LAMA2: variants seen among roughly 807,000 people sequenced by gnomAD.
The protein encoded by LAMA2 is laminin subunit alpha-2.
Under a neutral mutation model 364.8 loss-of-function variants are expected in LAMA2, and 269 were observed. The ratio of observed to expected loss-of-function variants is 0.74; its 90% CI spans 0.67 to 0.82. The LOEUF is 0.82. LAMA2 is among the 40% of genes least tolerant of loss of function. The pLI is 0.00. For synonymous variants in LAMA2, 1,379 were observed against 1,370.6 expected, an observed-to-expected ratio of 1.01 and a Z score of -0.14; for missense variants, 3,807 against 3,873.2, an observed-to-expected ratio of 0.98 and a Z score of 0.45.
intron 2 of LAMA2, among the ~76,000 whole-genome samples, chr6:129,054,447 T>G (rs997186337): frequency 2.0e-5 from 3 of 152,072 alleles, no homozygotes; most frequent in African/African-American, 7.2e-5. Flanking sequence ...CAGGGACTGG[T>G]GGCCTTGAAA....
At chr6:128,961,516 G>T (rs1781523286) in intron 1 of LAMA2, among the ~76,000 whole-genome samples, 1 of 149,418 alleles carries the variant, frequency 6.7e-6, no homozygotes, top group African/African-American at 2.5e-5. Flanking sequence ...AGCCAGTCTG[G>T]GTCCCAAAAC....
chr6:129,442,966 A>C (rs557004319), intron 43 of LAMA2, 97 bp from the exon 44 acceptor site: 1 of 862,316 alleles, frequency 1.2e-6, no homozygotes, highest in South Asian at 1.6e-5. Flanking sequence ...TATGAAAAAT[A>C]CCATTTTTAG....
At chr6:129,299,361 C>T (rs12208401) in intron 21 of LAMA2, among the ~76,000 whole-genome samples, 65,946 of 151,850 alleles carry the variant, frequency 0.43, 16,762 homozygotes, top group East Asian at 0.69. Flanking sequence ...GTTGAGTTAG[C>T]GGCTATAAAA....
rs1784900493 is a variant in LAMA2, at chr6:129,492,174, G to C, written c.8075+97G>C. The C allele has an allele frequency of 2.2e-5, 31 of 1,401,456 alleles. No individual in the cohort carries two copies. In the South Asian group the frequency reaches 3.4e-4, roughly 15 times the overall value. 86.8% of individuals were successfully genotyped at this position (1,401,456 alleles called of 1,614,324 possible). ...CTACATTGTCTACAGCTATGCAGGG[G>C]AGGAGGGAAACAATGAGGATCTTCA... On this transcript the variant is annotated intron_variant, in intron 57 of 64. Coordinates refer to ENST00000421865, the MANE Select transcript of LAMA2 (RefSeq NM_000426.4).
chr6:129,443,208 A>G, intron 44 of LAMA2, 140 bp downstream of exon 44: 1 of 591,838 alleles, frequency 1.7e-6, no homozygotes, highest in Admixed American at 3.2e-5. Context: ...TTACAGTATT[A>G]ATGGTAGATG....
At chr6:129,195,678 G>A (rs1362711508) in intron 12 of LAMA2, among the ~76,000 whole-genome samples, 1 of 152,136 alleles carries the variant, frequency 6.6e-6, no homozygotes, top group Non-Finnish European at 1.5e-5. Flanking sequence ...CACCCACAGG[G>A]CTATCCTAGG....
intron 41 of LAMA2, among the ~76,000 whole-genome samples, chr6:129,433,136 G>A (rs1194129385): frequency 6.6e-6 from 1 of 152,136 alleles, no homozygotes; most frequent in Admixed American, 6.6e-5. Flanking sequence ...GGAAGCACAG[G>A]AGTAACAATC....
chr6:129,279,743 C>T (rs541251975), intron 17 of LAMA2, among the ~76,000 whole-genome samples: 107 of 152,284 alleles, frequency 7.0e-4, no homozygotes, highest in African/African-American at 2.5e-3. Context: ...TGCATATGTG[C>T]CAGGCCTGGA....
At chr6:129,053,728 A>G (rs1050119202) in intron 2 of LAMA2, among the ~76,000 whole-genome samples, 3 of 152,210 alleles carry the variant, frequency 2.0e-5, no homozygotes, top group African/African-American at 7.2e-5. Context: ...ACACCTTTCT[A>G]AAGTACTCAG....
At chr6:129,376,862 A>G (rs754872703) in intron 34 of LAMA2, among the ~76,000 whole-genome samples, 5 of 152,202 alleles carry the variant, frequency 3.3e-5, no homozygotes, top group Admixed American at 6.5e-5. Flanking sequence ...ACAAATAACT[A>G]TATAGTCCAC....
intron 1 of LAMA2, among the ~76,000 whole-genome samples, chr6:128,933,230 CTGTGTGTGTGTG>C (rs71028134): frequency 6.6e-4 from 97 of 146,284 alleles, no homozygotes; most frequent in African/African-American, 2.2e-3. Flanking sequence ...CCCTCTCTTT[CTGTGTGTGTGTG>C]TGTGTGTGTG....
At chr6:129,088,606 G>T (rs374761796) in intron 3 of LAMA2, among the ~76,000 whole-genome samples, 2 of 151,628 alleles carry the variant, frequency 1.3e-5, no homozygotes, top group African/African-American at 4.8e-5. Flanking sequence ...GGTGGCTGCC[G>T]GGCGGAGACG....
chr6:129,152,903 C>T (rs184403079), intron 7 of LAMA2, among the ~76,000 whole-genome samples: 3 of 151,912 alleles, frequency 2.0e-5, no homozygotes, highest in Non-Finnish European at 2.9e-5. Context: ...TAAAAAGAAC[C>T]GGTTCTAAAC....
At chr6:128,996,628 A>G (rs1326267970) in intron 1 of LAMA2, among the ~76,000 whole-genome samples, 1 of 152,230 alleles carries the variant, frequency 6.6e-6, no homozygotes, top group Non-Finnish European at 1.5e-5. Flanking sequence ...AGGAAACAAC[A>G]GATGCTGGAG....
chr6:129,157,646 A>T, intron 8 of LAMA2: 1 of 1,612,212 alleles, frequency 6.2e-7, no homozygotes. Flanking sequence ...CTGCTCGTAG[A>T]CATTCATCAC....
intron 12 of LAMA2, among the ~76,000 whole-genome samples, chr6:129,213,046 A>G (rs1048859061): frequency 2.6e-5 from 4 of 152,186 alleles, no homozygotes; most frequent in Admixed American, 6.5e-5. Flanking sequence ...AGAAGTGACA[A>G]AAGTGGGGTT....
intron 1 of LAMA2, among the ~76,000 whole-genome samples, chr6:128,930,160 C>T (rs559423720): frequency 6.6e-6 from 1 of 152,304 alleles, no homozygotes; most frequent in Admixed American, 6.5e-5. Flanking sequence ...GGCGGCACTG[C>T]GTTTGCTAGG....
rs1483207062 is a variant in LAMA2 at position 129,172,508 on chromosome 6, C to A, written c.1307-5198C>A. On this transcript the variant is annotated intron_variant, in intron 9 of 64. Transcript: ENST00000421865. ...GCTCAGGGGTCAGGGGTCAGGGACCCACTTGAGGAGGCAGTCTGCCCGTTC... is the reference window on the plus strand; with the variant it reads ...GCTCAGGGGTCAGGGGTCAGGGACCAACTTGAGGAGGCAGTCTGCCCGTTC... 1.1e-4 allele frequency among the ~76,000 whole-genome samples: 17 copies of A among 152,310 alleles called. 1 individual carries two copies. In the South Asian group the frequency reaches 3.5e-3, roughly 32 times the overall value.
At position 128,904,763 on chromosome 6, in the gene LAMA2, C is replaced by G. The variant is rs533389885; in HGVS notation, c.112+21406C>G. Among the ~76,000 whole-genome samples, 4 of 152,248 alleles carry G rather than the reference C, an allele frequency of 2.6e-5. No individual in the cohort carries two copies. The East Asian group carries it at 7.7e-4, about 29-fold the overall frequency. Reference sequence around the variant, plus strand: ...TGAACCACAGTGCCCAGCCTTCCTGCTGAGTTTCTTAGCATTATTGCCAGG... The same window carrying G: ...TGAACCACAGTGCCCAGCCTTCCTGGTGAGTTTCTTAGCATTATTGCCAGG... On this transcript the variant is annotated intron_variant, in intron 1 of 64. Transcript: ENST00000421865.
Sources: allele counts gnomAD v4.1 joint callset (sites outside exome capture counted in the v4.1 genomes callset), GRCh38; gene constraint gnomAD v4.1.1; transcripts MANE v1.5; gene names NCBI Gene and HGNC (gene_info 2026-07-23, HGNC 2026-07-21).